PTPN12: variants seen among roughly 807,000 people sequenced by gnomAD.
PTPN12 encodes the protein tyrosine-protein phosphatase non-receptor type 12.
PTPN12 carries 29 observed loss-of-function variants against 97.6 expected under a neutral mutation model. That is an observed-to-expected ratio of 0.30 (90% confidence interval 0.22 to 0.41). PTPN12 has a LOEUF of 0.41. PTPN12 is among the 10% of genes least tolerant of loss of function. The pLI is 1.00. For synonymous variants in PTPN12, 327 were observed against 300.4 expected, an observed-to-expected ratio of 1.09 and a Z score of -0.91; for missense variants, 819 against 926.0, an observed-to-expected ratio of 0.88 and a Z score of 1.50.
intron 1 of PTPN12, among the ~76,000 whole-genome samples, chr7:77,554,911 C>T (rs962548142): frequency 6.6e-6 from 1 of 152,126 alleles, no homozygotes; most frequent in South Asian, 2.1e-4. Context: ...TGGTCTTGAA[C>T]TCCTGGGCTC....
intron 1 of PTPN12, among the ~76,000 whole-genome samples, chr7:77,555,458 G>C (rs1170042001): frequency 6.6e-6 from 1 of 151,688 alleles, no homozygotes; most frequent in Non-Finnish European, 1.5e-5. Flanking sequence ...ATTCCATTCT[G>C]TTGTTTCAGT....
At chr7:77,540,890 C>T (rs1048332398) in intron 1 of PTPN12, among the ~76,000 whole-genome samples, 1 of 152,136 alleles carries the variant, frequency 6.6e-6, no homozygotes, top group African/African-American at 2.4e-5. Flanking sequence ...GCTGATATAA[C>T]TGTTCCATCA....
chr7:77,564,925 T>G (rs948139363), intron 1 of PTPN12, among the ~76,000 whole-genome samples: 1 of 145,402 alleles, frequency 6.9e-6, no homozygotes, highest in Admixed American at 6.8e-5. Flanking sequence ...GCCCAGCTAA[T>G]TTTTGTATTT....
rs952042614 is a variant in PTPN12, at chr7:77,640,064, A to G, written c.*784A>G. On this transcript the variant is annotated 3_prime_UTR_variant, in exon 18 of 18. Coordinates refer to ENST00000248594, the MANE Select transcript of PTPN12 (RefSeq NM_002835.4). ...GTCATTAAAAAAAACAAACAGTTTT[A>G]CAGTGCCTACTTGTTGCCTTGGCTT... The G allele has an allele frequency of 6.6e-6, 1 of 152,572 alleles. No individual in the cohort carries two copies. The highest frequency in any genetic ancestry group is 1.5e-5 in the Non-Finnish European group (1 of 68,050). The allele number at this position is 152,572 out of a possible 1,614,324, so 9.5% of individuals were successfully genotyped here.
Position 77,632,395 on chromosome 7 carries a change from C to T in PTPN12, c.2044C>T (p.Pro682Ser), listed in dbSNP as rs374461461. The T allele has an allele frequency of 6.2e-7, 1 of 1,611,272 alleles. No individual in the cohort carries two copies. Among genetic ancestry groups the T allele is most frequent in the African/African-American group, 1.3e-5 (1 of 74,936 alleles). The change falls in exon 14 of 18, where the codon CCT (proline) becomes TCT (serine). Residue 682 changes from proline (P) to serine (S), a missense_variant. Around this residue, in one of 5 missense-constraint regions of PTPN12, gnomAD observed 607 missense variants for 577.3 expected, o/e 1.05. Coordinates refer to ENST00000248594, the MANE Select transcript of PTPN12 (RefSeq NM_002835.4). Reference protein sequence around the residue: ...DSPPPLPERTPESFVLASEHN... With the variant: ...DSPPPLPERTSESFVLASEHN... ...ACCTCCTCCCCTACCTGAAAGAACT[C>T]CTGAATCGTTTGTGTTAGCAAGTGA...
chr7:77,587,652 T>C (rs1047798525), intron 5 of PTPN12, among the ~76,000 whole-genome samples: 4 of 152,250 alleles, frequency 2.6e-5, no homozygotes, highest in Non-Finnish European at 5.9e-5. Flanking sequence ...AGAGTCAGCA[T>C]GTCCTTTGAA....
chr7:77,588,545 C>G (rs927290344), intron 5 of PTPN12, among the ~76,000 whole-genome samples: 6 of 152,134 alleles, frequency 3.9e-5, no homozygotes, highest in Admixed American at 2.0e-4. Flanking sequence ...GCAAGAGTTT[C>G]CAAAATGTGA....
chr7:77,633,713 C>T (rs1406379439), intron 14 of PTPN12, among the ~76,000 whole-genome samples: 1 of 152,016 alleles, frequency 6.6e-6, no homozygotes, highest in African/African-American at 2.4e-5. Context: ...TTGGTGTTAA[C>T]TGAAAGACAT....
chr7:77,601,501 C>CA, intron 8 of PTPN12, among the ~76,000 whole-genome samples: 1 of 152,250 alleles, frequency 6.6e-6, no homozygotes. Flanking sequence ...CTACGCCTGG[C>CA]AACATGACTT....
chr7:77,544,442 C>CT (rs1382224062), intron 1 of PTPN12, among the ~76,000 whole-genome samples: 1 of 152,184 alleles, frequency 6.6e-6, no homozygotes, highest in Non-Finnish European at 1.5e-5. Flanking sequence ...TTAAGTAACT[C>CT]TCCAGACATG....
chr7:77,618,615 C>A, intron 12 of PTPN12, 50 bp downstream of exon 12: 2 of 1,204,834 alleles, frequency 1.7e-6, no homozygotes, highest in Non-Finnish European at 2.4e-6. Context: ...TGTTTCTACT[C>A]ACTGTTAATT....
intron 12 of PTPN12, among the ~76,000 whole-genome samples, chr7:77,622,984 A>G (rs1468670803): frequency 1.3e-5 from 2 of 151,264 alleles, no homozygotes; most frequent in African/African-American, 4.9e-5. Context: ...ATAATAGTCT[A>G]AAAGGAGAGT....
chr7:77,586,232 A>G (rs1449449013), intron 5 of PTPN12, among the ~76,000 whole-genome samples: 5 of 152,242 alleles, frequency 3.3e-5, no homozygotes, highest in Non-Finnish European at 5.9e-5. Flanking sequence ...AGGATTATAG[A>G]CGTGAGCCAC....
chr7:77,591,425 T>C (rs1468722292), intron 5 of PTPN12, among the ~76,000 whole-genome samples: 1 of 152,260 alleles, frequency 6.6e-6, no homozygotes, highest in Non-Finnish European at 1.5e-5. Flanking sequence ...TTAACTGATT[T>C]TCTAAAATGA....
chr7:77,625,911 T>C (rs918328037), intron 12 of PTPN12, among the ~76,000 whole-genome samples: 1 of 151,968 alleles, frequency 6.6e-6, no homozygotes, highest in African/African-American at 2.4e-5. Flanking sequence ...CTAGAGGGTA[T>C]AACCCACCCG....
At chr7:77,600,318 T>G (rs559561723) in intron 7 of PTPN12, among the ~76,000 whole-genome samples, 2 of 151,996 alleles carry the variant, frequency 1.3e-5, no homozygotes, top group African/African-American at 4.8e-5. Context: ...TATAGTGTTA[T>G]GTTTACAGTA....
intron 1 of PTPN12, among the ~76,000 whole-genome samples, chr7:77,537,856 C>T (rs956402533): frequency 6.6e-6 from 1 of 151,994 alleles, no homozygotes; most frequent in African/African-American, 2.4e-5. Flanking sequence ...TGTTCGCGAC[C>T]CCCGCGCGGG....
chr7:77,555,978 T>C (rs1450755585), intron 1 of PTPN12, among the ~76,000 whole-genome samples: 3 of 152,258 alleles, frequency 2.0e-5, no homozygotes, highest in Non-Finnish European at 2.9e-5. Flanking sequence ...TCTTTGCTTA[T>C]ATTGATTGCC....
chr7:77,620,961 C>G (rs10243229), intron 12 of PTPN12, among the ~76,000 whole-genome samples: 27,658 of 151,182 alleles, frequency 0.18, 2,974 homozygotes, highest in African/African-American at 0.3. Flanking sequence ...AATAAAAAAA[C>G]AAAAATAAAG....
Sources: gnomAD v4.1 joint callset for allele counts (sites outside exome capture counted in the v4.1 genomes callset) on GRCh38, gnomAD v4.1.1 for gene constraint, gnomAD v4.1.1 regional missense constraint, MANE v1.5 for transcripts, NCBI Gene and HGNC (gene_info 2026-07-23, HGNC 2026-07-21) for gene names.